The following UBE2E2 variants were observed in gnomAD, a reference collection of about 807,000 sequenced individuals.
UBE2E2 encodes the protein ubiquitin conjugating enzyme E2 E2.
Under a neutral mutation model 24.7 loss-of-function variants are expected in UBE2E2, and 6 were observed. The ratio of observed to expected loss-of-function variants is 0.24; its 90% CI spans 0.13 to 0.48. UBE2E2 has a LOEUF of 0.48. Ranked by LOEUF, UBE2E2 falls within the 20% of genes least tolerant of loss-of-function variation. The probability of loss-of-function intolerance (pLI) is 0.99; values close to 1 mark genes in which losing one functional copy is unlikely to be tolerated. For missense variants in UBE2E2, 169 were observed against 245.0 expected (o/e 0.69, Z 2.07); for synonymous variants, 104 against 83.6 (o/e 1.24, Z -1.33).
intron 3 of UBE2E2, among the ~76,000 whole-genome samples, chr3:23,260,116 C>T (rs1245327269): frequency 1.3e-5 from 2 of 152,114 alleles, no homozygotes; most frequent in East Asian, 3.9e-4. Flanking sequence ...TTAAAAATTA[C>T]TGATTTGTGT....
Position 23,433,142 on chromosome 3 carries a change from G to T in UBE2E2, c.228-66466G>T, listed in dbSNP as rs550051047. Among the ~76,000 whole-genome samples, 13 of 152,000 alleles carry T rather than the reference G, an allele frequency of 8.6e-5. No individual in the cohort carries two copies. In the East Asian group the frequency reaches 1.7e-3, roughly 20 times the overall value. On this transcript the variant is annotated intron_variant, in intron 3 of 5. Transcript: ENST00000396703. ...TTCATACAGAAAATAATTATTGAAT[G>T]TCAGTTTCTGTATGCCAGGCACTGT...
intron 3 of UBE2E2, among the ~76,000 whole-genome samples, chr3:23,421,534 G>A (rs1697796993): frequency 6.6e-6 from 1 of 152,172 alleles, no homozygotes. Context: ...AGCCTCCCGA[G>A]TAGCTGAGAT....
chr3:23,372,777 A>G (rs1696429153), intron 3 of UBE2E2, among the ~76,000 whole-genome samples: 1 of 152,216 alleles, frequency 6.6e-6, no homozygotes, highest in Non-Finnish European at 1.5e-5. Context: ...AGTTTAAAAT[A>G]TATAAGAACT....
Position 23,355,280 on chromosome 3 carries a change from C to A in UBE2E2, c.227+137968C>A, listed in dbSNP as rs967984764. Among the ~76,000 whole-genome samples, 7 of 151,474 alleles carry A rather than the reference C, an allele frequency of 4.6e-5. No individual in the cohort carries two copies. The East Asian group carries it at 5.8e-4, about 13-fold the overall frequency. On this transcript the variant is annotated intron_variant, in intron 3 of 5. Coordinates refer to ENST00000396703, the MANE Select transcript of UBE2E2 (RefSeq NM_152653.4). Reference sequence around the variant, plus strand: ...GCATTAGGAGATATACCTAATGCTACATGACGAGTTAATGGGTGCAGCACA... The same window carrying A: ...GCATTAGGAGATATACCTAATGCTAAATGACGAGTTAATGGGTGCAGCACA...
intron 4 of UBE2E2, among the ~76,000 whole-genome samples, chr3:23,504,943 C>G (rs1483549030): frequency 1.9e-5 from 1 of 53,044 alleles, no homozygotes; most frequent in Non-Finnish European, 3.7e-5. Context: ...GGGTCTCACT[C>G]TGGGGCCCAG....
intron 4 of UBE2E2, among the ~76,000 whole-genome samples, chr3:23,508,356 G>C (rs938854932): frequency 6.6e-6 from 1 of 152,188 alleles, no homozygotes; most frequent in African/African-American, 2.4e-5. Context: ...TTTATTGTAA[G>C]CCAAATTAAA....
chr3:23,351,557 A>C (rs966834685), intron 3 of UBE2E2, among the ~76,000 whole-genome samples: 6 of 152,224 alleles, frequency 3.9e-5, no homozygotes, highest in Non-Finnish European at 8.8e-5. Flanking sequence ...AGCAAATGGA[A>C]AACGAAAAAA....
intron 3 of UBE2E2, among the ~76,000 whole-genome samples, chr3:23,296,257 A>G (rs1166711987): frequency 2.0e-5 from 3 of 152,034 alleles, no homozygotes; most frequent in Non-Finnish European, 4.4e-5. Context: ...TTTGCATATT[A>G]TATTTCCAGT....
intron 3 of UBE2E2, among the ~76,000 whole-genome samples, chr3:23,444,065 GT>G (rs59171795): frequency 0.031 from 3,655 of 117,276 alleles, 81 homozygotes; most frequent in African/African-American, 0.099. Flanking sequence ...CACCAGTTTT[GT>G]TTTTTTTTTT....
chr3:23,474,591 C>A lies in UBE2E2; in HGVS notation c.228-25017C>A, dbSNP rs1245898811. On this transcript the variant is annotated intron_variant, in intron 3 of 5. Transcript: ENST00000396703. This position sits in a 1 kb window ranked among gnomAD's most constrained non-coding sequence, Gnocchi z 4.0. ...TTCCTCATCTTCATAAATTAAGGAT[C>A]TGAAAAGTTTAAATTTATATATGGT... 6.6e-6 allele frequency among the ~76,000 whole-genome samples: 1 copy of A among 152,098 alleles called. No individual in the cohort carries two copies. Among genetic ancestry groups the A allele is most frequent in the Non-Finnish European group, 1.5e-5 (1 of 68,022 alleles).
intron 3 of UBE2E2, among the ~76,000 whole-genome samples, chr3:23,320,671 C>G (rs1242049486): frequency 1.3e-5 from 2 of 152,198 alleles, no homozygotes; most frequent in Non-Finnish European, 2.9e-5. Flanking sequence ...GCTTGTAGCA[C>G]AGAACATCCC....
chr3:23,386,002 C>G (rs1696796773), intron 3 of UBE2E2, among the ~76,000 whole-genome samples: 1 of 152,294 alleles, frequency 6.6e-6, no homozygotes, highest in Middle Eastern at 3.4e-3. Flanking sequence ...TGATGCAAAG[C>G]TAGTTCTAAA....
intron 4 of UBE2E2, among the ~76,000 whole-genome samples, chr3:23,522,819 T>C (rs1694900002): frequency 6.6e-6 from 1 of 152,098 alleles, no homozygotes; most frequent in South Asian, 2.1e-4. Flanking sequence ...CTCAAACTAG[T>C]GTTACCTGAG....
intron 5 of UBE2E2, among the ~76,000 whole-genome samples, chr3:23,552,305 A>G (rs141285156): frequency 6.6e-6 from 1 of 152,264 alleles, no homozygotes; most frequent in East Asian, 1.9e-4. Context: ...CTGGGCCAAG[A>G]TCAGGACACT....
chr3:23,399,113 G>A lies in UBE2E2; in HGVS notation c.228-100495G>A, dbSNP rs117586092. Among the ~76,000 whole-genome samples, 940 of 152,126 alleles carry A rather than the reference G, an allele frequency of 6.2e-3. 16 individuals carry two copies. Among genetic ancestry groups the A allele is most frequent in the East Asian group, 0.045 (233 of 5,174 alleles). On this transcript the variant is annotated intron_variant, in intron 3 of 5. Transcript: ENST00000396703. ...ATCTTAACTAATAGGCATTTATCAC[G>A]TTTCTTTTTCCTTCTTTATAATTTC...
At chr3:23,475,601 A>G (rs1012686726) in intron 3 of UBE2E2, among the ~76,000 whole-genome samples, 5 of 152,074 alleles carry the variant, frequency 3.3e-5, no homozygotes, top group Non-Finnish European at 7.3e-5. Flanking sequence ...TCCTAAACTC[A>G]GAAGGAGCCA....
At chr3:23,346,748 T>C (rs949841723) in intron 3 of UBE2E2, among the ~76,000 whole-genome samples, 12 of 152,250 alleles carry the variant, frequency 7.9e-5, no homozygotes, top group African/African-American at 1.4e-4. Context: ...TTTACTTTTC[T>C]ACTCATTATA....
At position 23,328,836 on chromosome 3, in the gene UBE2E2, A is replaced by AT. The variant is rs1020008591; in HGVS notation, c.227+111530dup. On this transcript the variant is annotated intron_variant, in intron 3 of 5. Transcript: ENST00000396703. ...GCCACCATGCCCGGCTGATTTTTAT[A>AT]TTTTTTGTAGAGACGGGGTTTCACC... Among the ~76,000 whole-genome samples, 14 of 151,814 alleles carry AT rather than the reference A, an allele frequency of 9.2e-5. No homozygotes were observed. In the East Asian group the frequency reaches 2.3e-3, roughly 25 times the overall value.
At chr3:23,411,626 C>G (rs1250893346) in intron 3 of UBE2E2, among the ~76,000 whole-genome samples, 1 of 152,048 alleles carries the variant, frequency 6.6e-6, no homozygotes, top group African/African-American at 2.4e-5. Flanking sequence ...TAAAATACTC[C>G]AATAATTTCT....
Sources: gnomAD v4.1 joint callset for allele counts (sites outside exome capture counted in the v4.1 genomes callset) on GRCh38, gnomAD v4.1.1 for gene constraint, Gnocchi (gnomAD v3.1) non-coding constraint, MANE v1.5 for transcripts, NCBI Gene and HGNC (gene_info 2026-07-23, HGNC 2026-07-21) for gene names.